LPIN1: variants seen among roughly 807,000 people sequenced by gnomAD.
The protein encoded by LPIN1 is lipin 1, also known as phosphatidate phosphatase LPIN1.
In LPIN1, 71 loss-of-function variants were observed where a neutral mutation model predicts 107.5. That is an observed-to-expected ratio of 0.66 (90% CI 0.55 to 0.80). LPIN1 has a LOEUF of 0.80. LPIN1 is among the 30% of genes least tolerant of loss of function. LPIN1 has a pLI of 0.00. For synonymous variants in LPIN1, 445 were observed against 452.6 expected, an observed-to-expected ratio of 0.98 and a Z score of 0.21; for missense variants, 1,043 against 1,160.6, an observed-to-expected ratio of 0.90 and a Z score of 1.47.
chr2:11,693,367 C>T (rs1662367272), intron 1 of LPIN1, among the ~76,000 whole-genome samples: 1 of 152,130 alleles, frequency 6.6e-6, no homozygotes, highest in African/African-American at 2.4e-5. Flanking sequence ...GACCCGGGCA[C>T]TCTGCTGAAA....
At chr2:11,763,699 G>A (rs1558836078) in intron 1 of LPIN1, among the ~76,000 whole-genome samples, 1 of 151,994 alleles carries the variant, frequency 6.6e-6, no homozygotes, top group Non-Finnish European at 1.5e-5. Flanking sequence ...GCATCTCCTG[G>A]CACGGTTTCG....
chr2:11,724,196 C>G (rs987355727), upstream of LPIN1: 1 of 283,244 alleles, frequency 3.5e-6, no homozygotes, highest in Non-Finnish European at 5.3e-6. Flanking sequence ...CTCCTGCGTG[C>G]CCCCTCCTGA....
At chr2:11,745,578 C>G (rs1666816747), upstream of LPIN1, among the ~76,000 whole-genome samples, 2 of 152,176 alleles carry the variant, frequency 1.3e-5, no homozygotes, top group African/African-American at 4.8e-5. Context: ...GGCGTGGTGG[C>G]ATGCACCTGT....
rs929187909 is a variant in LPIN1, at chr2:11,815,041, G to T, written c.2250-47G>T. 12 of 1,561,612 alleles carry T rather than the reference G, an allele frequency of 7.7e-6. No individual in the cohort carries two copies. The Admixed American group carries it at 8.3e-5, about 11-fold the overall frequency. ...GATCAGGATTTATGAATGCAGAAAG[G>T]TTCCATTTTCTGATGCCATGAAATG... On this transcript the variant is annotated intron_variant, in intron 17 of 20. Transcript: ENST00000674199.
chr2:11,750,974 G>A (rs552325553), intron 1 of LPIN1, among the ~76,000 whole-genome samples: 33 of 152,340 alleles, frequency 2.2e-4, no homozygotes, highest in Admixed American at 1.9e-3. Flanking sequence ...ATGTGCCATT[G>A]GGTCTTTGAA....
chr2:11,793,061 T>G (rs936994321), intron 13 of LPIN1, among the ~76,000 whole-genome samples: 2 of 152,218 alleles, frequency 1.3e-5, no homozygotes, highest in Non-Finnish European at 1.5e-5. Context: ...CATCCACTTA[T>G]CAAGTAGTCG....
At position 11,788,429 on chromosome 2, in the gene LPIN1, G is replaced by T. The variant is rs1278731543; in HGVS notation, c.1686G>T (p.Met562Ile). 6.2e-7 allele frequency: 1 copy of T among 1,613,906 alleles called. No homozygotes were observed. The highest frequency in any genetic ancestry group is 8.5e-7 in the Non-Finnish European group (1 of 1,179,876). Residue 562 changes from methionine to isoleucine, a missense_variant, in exon 12 of 21, where the codon ATG becomes ATT. Met to Ile is a conservative substitution (Grantham distance 10). Coordinates refer to ENST00000674199, the MANE Select transcript of LPIN1 (RefSeq NM_001349206.2). Reference sequence around the variant, plus strand: ...CAGCAGCACCCCTCCTCCTGGCAATGCAGGCCTTCCAGAAACCTTTGCCAA... The same window carrying T: ...CAGCAGCACCCCTCCTCCTGGCAATTCAGGCCTTCCAGAAACCTTTGCCAA... ...WTTAAPLLLA[M>I]QAFQKPLPKA...
rs1292484896 is a variant in LPIN1 at position 11,766,977 on chromosome 2, C to G, written c.193-786C>G. ...AGTTCTTAAGGTTTCTCTGGCATCT[C>G]CTTGTCCCAGAGGGGGTCCGTTCAG... On this transcript the variant is annotated intron_variant, in intron 2 of 20. Transcript: ENST00000674199. Among the ~76,000 whole-genome samples, 4 of 148,708 alleles carry G rather than the reference C, an allele frequency of 2.7e-5. No individual in the cohort carries two copies. The South Asian group carries it at 8.5e-4, about 31-fold the overall frequency.
chr2:11,812,531 G>A (rs1004441433), intron 17 of LPIN1, among the ~76,000 whole-genome samples: 1 of 152,152 alleles, frequency 6.6e-6, no homozygotes, highest in Non-Finnish European at 1.5e-5. Flanking sequence ...CCTGCAGACT[G>A]GGGGAAAGGT....
At chr2:11,694,446 C>A (rs1662468995) in intron 1 of LPIN1, among the ~76,000 whole-genome samples, 1 of 152,194 alleles carries the variant, frequency 6.6e-6, no homozygotes, top group African/African-American at 2.4e-5. Flanking sequence ...GCTCCTCTGA[C>A]CCCTCTGGCC....
chr2:11,687,882 G>C (rs1478265334), intron 1 of LPIN1, among the ~76,000 whole-genome samples: 1 of 152,234 alleles, frequency 6.6e-6, no homozygotes, highest in Non-Finnish European at 1.5e-5. Context: ...GCAGTTTATG[G>C]TCTGCATGGT....
intron 1 of LPIN1, among the ~76,000 whole-genome samples, chr2:11,683,853 C>T (rs1661860323): frequency 6.6e-6 from 1 of 152,232 alleles, no homozygotes; most frequent in Admixed American, 6.5e-5. Flanking sequence ...GGCTCTGCTG[C>T]TTCTAAACTG....
At chr2:11,706,166 C>T (rs557013969) in intron 1 of LPIN1, among the ~76,000 whole-genome samples, 49 of 152,286 alleles carry the variant, frequency 3.2e-4, no homozygotes, top group African/African-American at 1.2e-3. Flanking sequence ...GTAAATTGCC[C>T]AGTCTTGGGT....
chr2:11,735,291 C>CA (rs1213109442), intron 1 of LPIN1, among the ~76,000 whole-genome samples: 23,261 of 106,268 alleles, frequency 0.22, 3,991 homozygotes, highest in African/African-American at 0.51. Flanking sequence ...GACTCTGTCT[C>CA]AAAAAAAAAA....
In LPIN1 at chr2:11,824,909, C is replaced by A; in HGVS notation, c.*118C>A. ...GCCTGGCGCGTCATCATTGGCCTGA[C>A]AGCAGAGAGAATTGAGAAGCATTTC... On this transcript the variant is annotated 3_prime_UTR_variant, in exon 21 of 21. Transcript: ENST00000674199. 8.5e-7 allele frequency: 1 copy of A among 1,178,198 alleles called. No homozygotes were observed. Among genetic ancestry groups the A allele is most frequent in the Non-Finnish European group, 1.2e-6 (1 of 809,252 alleles). The allele number at this position is 1,178,198 out of a possible 1,614,324, so 73.0% of individuals were successfully genotyped here. A position where few individuals can be genotyped will look rare whatever the true frequency, so the allele number is the denominator to read the frequency against.
At chr2:11,759,618 C>A (rs1402926060) in intron 1 of LPIN1, among the ~76,000 whole-genome samples, 5 of 152,266 alleles carry the variant, frequency 3.3e-5, no homozygotes, top group East Asian at 1.9e-4. Context: ...ATTTCTCTAT[C>A]TTTTCCCCAC....
At chr2:11,797,211 G>C (rs113493899) in intron 14 of LPIN1, among the ~76,000 whole-genome samples, 1,561 of 152,362 alleles carry the variant, frequency 0.01, 25 homozygotes, top group East Asian at 0.059. Flanking sequence ...ATGTACAGCA[G>C]GGACCTTGTC....
intron 12 of LPIN1, among the ~76,000 whole-genome samples, chr2:11,789,587 T>C (rs533324419): frequency 4.7e-4 from 72 of 152,338 alleles, no homozygotes; most frequent in African/African-American, 1.7e-3. Flanking sequence ...TGTGTGTGTG[T>C]GCATGTGTTG....
At chr2:11,810,093 T>C (rs545203010) in intron 17 of LPIN1, among the ~76,000 whole-genome samples, 3 of 152,312 alleles carry the variant, frequency 2.0e-5, no homozygotes, top group East Asian at 1.9e-4. Flanking sequence ...CCCTAGACTC[T>C]GGTTGCACCA....
Sources: allele counts gnomAD v4.1 joint callset (sites outside exome capture counted in the v4.1 genomes callset), GRCh38; gene constraint gnomAD v4.1.1; transcripts MANE v1.5; gene names NCBI Gene and HGNC (gene_info 2026-07-23, HGNC 2026-07-21).